CNTNAP2: variants seen among roughly 807,000 people sequenced by gnomAD.
CNTNAP2 encodes the protein contactin-associated protein-like 2.
A neutral mutation model predicts 155.2 loss-of-function variants in CNTNAP2; 98 were observed. The ratio of observed to expected loss-of-function variants is 0.63; its 90% CI spans 0.54 to 0.75. The LOEUF is 0.75. Ranked by LOEUF, CNTNAP2 falls within the 30% of genes least tolerant of loss-of-function variation. CNTNAP2 has a pLI of 0.00. For missense variants in CNTNAP2, 1,727 were observed against 1,688.1 expected (o/e 1.02, Z -0.40); for synonymous variants, 651 against 631.2 (o/e 1.03, Z -0.47).
chr7:146,362,789 T>C (rs1378772982), intron 1 of CNTNAP2, among the ~76,000 whole-genome samples: 1 of 111,830 alleles, frequency 8.9e-6, no homozygotes, highest in South Asian at 2.5e-4. Context: ...TTTTTTTTTT[T>C]GAGACGGAGT....
chr7:147,684,213 A>G (rs994867014), intron 13 of CNTNAP2, among the ~76,000 whole-genome samples: 2 of 151,880 alleles, frequency 1.3e-5, no homozygotes, highest in African/African-American at 4.8e-5. Flanking sequence ...AAATGTTACA[A>G]GAGCTGCTTC....
At chr7:147,667,674 A>C (rs1795718212) in intron 13 of CNTNAP2, among the ~76,000 whole-genome samples, 1 of 152,086 alleles carries the variant, frequency 6.6e-6, no homozygotes, top group Non-Finnish European at 1.5e-5. Context: ...TCTCCATCCC[A>C]ATATCAAAGT....
intron 9 of CNTNAP2, among the ~76,000 whole-genome samples, chr7:147,355,508 A>G (rs1015760657): frequency 6.6e-6 from 1 of 152,026 alleles, no homozygotes; most frequent in African/African-American, 2.4e-5. Context: ...TAGGAGCTGT[A>G]TTTTTGAAAA....
At position 146,557,583 on chromosome 7, in the gene CNTNAP2, A is replaced by T. The variant is rs751779385; in HGVS notation, c.98-216688A>T. Among the ~76,000 whole-genome samples the T allele has an allele frequency of 8.5e-5, 13 of 152,216 alleles. No homozygotes were observed. In the East Asian group the frequency reaches 2.3e-3, roughly 27 times the overall value. On this transcript the variant is annotated intron_variant, in intron 1 of 23. Coordinates refer to ENST00000361727, the MANE Select transcript of CNTNAP2 (RefSeq NM_014141.6). ...GTAAGTCATACAGGTTAGAATTCTC[A>T]GAAAGTTAAAAGCCTTATGAGAAAT...
chr7:146,729,396 A>T (rs548068280), intron 1 of CNTNAP2, among the ~76,000 whole-genome samples: 1 of 152,310 alleles, frequency 6.6e-6, no homozygotes, highest in South Asian at 2.1e-4. Flanking sequence ...GAAAGGCAAG[A>T]GGATGTACAC....
intron 1 of CNTNAP2, among the ~76,000 whole-genome samples, chr7:146,516,640 C>G (rs1010771406): frequency 1.3e-5 from 2 of 151,882 alleles, no homozygotes; most frequent in Non-Finnish European, 2.9e-5. Flanking sequence ...TAATATTTCT[C>G]TTGACTCTGC....
rs1343953862 is a variant in CNTNAP2 at position 147,132,308 on chromosome 7, T to C, written c.1147T>C (p.Tyr383His). 3 of 1,613,674 alleles carry C rather than the reference T, an allele frequency of 1.9e-6. No individual in the cohort carries two copies. Among genetic ancestry groups the C allele is most frequent in the African/African-American group, 1.3e-5 (1 of 74,890 alleles). The change falls in exon 8 of 24, where the codon TAC (tyrosine) becomes CAC (histidine). Residue 383 changes from tyrosine to histidine, a missense_variant. Transcript: ENST00000361727. ...GCCTGTCTTTTTCAACGCTACAAGTTACCTGGAGGTGCCCGGACGGCTTAA... is the reference window on the plus strand; with the variant it reads ...GCCTGTCTTTTTCAACGCTACAAGTCACCTGGAGGTGCCCGGACGGCTTAA... ...TVPVFFNATS[Y>H]LEVPGRLNQD...
In CNTNAP2 at chr7:146,455,731, A is replaced by C. The variant is rs544535410; in HGVS notation, c.98-318540A>C. 3.9e-5 allele frequency among the ~76,000 whole-genome samples: 6 copies of C among 152,338 alleles called. 1 individual carries two copies. The highest frequency in any genetic ancestry group is 6.8e-3 in the Middle Eastern group (2 of 294). Reference sequence around the variant, plus strand: ...ATCCAGCTTATTATTTTTCCTGGGCATAAAGAAAATACAATAATTAGGTAG... The same window carrying C: ...ATCCAGCTTATTATTTTTCCTGGGCCTAAAGAAAATACAATAATTAGGTAG... On this transcript the variant is annotated intron_variant, in intron 1 of 23. Transcript: ENST00000361727.
chr7:146,362,392 GGT>G (rs1373020190), intron 1 of CNTNAP2, among the ~76,000 whole-genome samples: 2 of 152,136 alleles, frequency 1.3e-5, no homozygotes, highest in Non-Finnish European at 2.9e-5. Context: ...GGGTCAGGGA[GGT>G]GGGAAGCAGC....
At chr7:147,337,561 GAAC>G (rs1439549432) in intron 9 of CNTNAP2, among the ~76,000 whole-genome samples, 1 of 152,080 alleles carries the variant, frequency 6.6e-6, no homozygotes, top group Non-Finnish European at 1.5e-5. Context: ...AAAAAAGTTT[GAAC>G]AACAATATCT....
Position 147,052,009 on chromosome 7 carries a change from A to G in CNTNAP2, c.550+7955A>G, listed in dbSNP as rs187480992. 1.5e-3 allele frequency among the ~76,000 whole-genome samples: 222 copies of G among 152,194 alleles called. 1 individual carries two copies. The highest frequency in any genetic ancestry group is 3.4e-3 in the Middle Eastern group (1 of 292). ...GAATACAAGCTATATTTCCTAATAC[A>G]TGAGTGACCTGCTTGTTTAACAGGC... On this transcript the variant is annotated intron_variant, in intron 4 of 23. Coordinates refer to ENST00000361727, the MANE Select transcript of CNTNAP2 (RefSeq NM_014141.6).
chr7:147,555,710 C>G (rs560723076), intron 11 of CNTNAP2, among the ~76,000 whole-genome samples: 1 of 152,164 alleles, frequency 6.6e-6, no homozygotes, highest in South Asian at 2.1e-4. Context: ...GGGTTAATAC[C>G]CGGCCACTTC....
intron 1 of CNTNAP2, among the ~76,000 whole-genome samples, chr7:146,734,085 G>A (rs1027631233): frequency 1.3e-5 from 2 of 152,038 alleles, no homozygotes; most frequent in South Asian, 2.1e-4. Context: ...CTGGTAGCTT[G>A]TACCTATGAT....
chr7:146,538,598 C>T (rs563783899), intron 1 of CNTNAP2, among the ~76,000 whole-genome samples: 6 of 152,022 alleles, frequency 3.9e-5, no homozygotes, highest in African/African-American at 1.4e-4. Context: ...GGGACAAACA[C>T]TTCTCCTACG....
chr7:147,912,734 C>T (rs1800088157), intron 14 of CNTNAP2, among the ~76,000 whole-genome samples: 1 of 152,172 alleles, frequency 6.6e-6, no homozygotes, highest in Non-Finnish European at 1.5e-5. Flanking sequence ...CCAAGCCAAA[C>T]CTCCTCCAAG....
chr7:147,201,570 A>C (rs1187983600), intron 8 of CNTNAP2, among the ~76,000 whole-genome samples: 1 of 152,194 alleles, frequency 6.6e-6, no homozygotes, highest in Non-Finnish European at 1.5e-5. Flanking sequence ...GTTAGAAAAA[A>C]GCTTCCCTAA....
At chr7:147,090,910 A>T (rs1800390249) in intron 4 of CNTNAP2, among the ~76,000 whole-genome samples, 1 of 152,190 alleles carries the variant, frequency 6.6e-6, no homozygotes, top group Non-Finnish European at 1.5e-5. Flanking sequence ...GTGCTAAAAT[A>T]ATCAAGAAAT....
intron 13 of CNTNAP2, among the ~76,000 whole-genome samples, chr7:147,746,870 A>G (rs903350368): frequency 2.8e-4 from 42 of 152,070 alleles, no homozygotes; most frequent in African/African-American, 1.0e-3. Flanking sequence ...CAAAGCCCAC[A>G]CTATTTTATT....
chr7:147,114,297 A>T (rs7811513), intron 5 of CNTNAP2, among the ~76,000 whole-genome samples: 1 of 151,798 alleles, frequency 6.6e-6, no homozygotes. Context: ...TTGTCTTGGG[A>T]TGGAGAATTC....
Sources: allele counts gnomAD v4.1 joint callset (sites outside exome capture counted in the v4.1 genomes callset), GRCh38; gene constraint gnomAD v4.1.1; transcripts MANE v1.5; gene names NCBI Gene and HGNC (gene_info 2026-07-23, HGNC 2026-07-21).